DHRS3: variants seen among roughly 807,000 people sequenced by gnomAD.
DHRS3 encodes the protein short-chain dehydrogenase/reductase 3.
A neutral mutation model predicts 27.2 loss-of-function variants in DHRS3; 14 were observed. That is an observed-to-expected ratio of 0.52 (90% CI 0.34 to 0.81). The LOEUF (loss-of-function observed/expected upper bound fraction) is 0.81, where lower values mean the gene tolerates loss of function less well. Ranked by LOEUF, DHRS3 falls within the 30% of genes least tolerant of loss-of-function variation. The probability of loss-of-function intolerance (pLI) is 0.01; values close to 1 mark genes in which losing one functional copy is unlikely to be tolerated. For synonymous variants in DHRS3, 165 were observed against 175.9 expected (o/e 0.94, Z 0.49); for missense variants, 322 against 406.2 (o/e 0.79, Z 1.78).
At chr1:12,607,861 A>G (rs199779740) in intron 1 of DHRS3, among the ~76,000 whole-genome samples, 30 of 132,624 alleles carry the variant, frequency 2.3e-4, no homozygotes, top group Admixed American at 5.1e-4. Flanking sequence ...GTGTGTGTGT[A>G]TGTGTGTGTG....
intron 1 of DHRS3, 26 bp downstream of exon 1, chr1:12,617,128 C>T: frequency 1.3e-6 from 2 of 1,598,880 alleles, no homozygotes; most frequent in Non-Finnish European, 1.7e-6. Flanking sequence ...CGGCCCCCCA[C>T]TCCCTGGAGT....
intron 1 of DHRS3, among the ~76,000 whole-genome samples, chr1:12,601,701 C>T (rs1385888925): frequency 6.6e-6 from 1 of 152,184 alleles, no homozygotes; most frequent in Non-Finnish European, 1.5e-5. Flanking sequence ...AAACTATCAA[C>T]CAAAAGGCAA....
chr1:12,588,635 A>G (rs1646719252), intron 1 of DHRS3, among the ~76,000 whole-genome samples: 1 of 152,170 alleles, frequency 6.6e-6, no homozygotes, highest in African/African-American at 2.4e-5. Context: ...CAAGAGTAAA[A>G]GCTCAGCTAA....
At position 12,568,323 on chromosome 1, in the gene DHRS3, A is replaced by T. The variant is rs755547734; in HGVS notation, c.*17T>A. On this transcript the variant is annotated 3_prime_UTR_variant, in exon 6 of 6. Transcript: ENST00000616661. ...CCCCAAACTCCGTGGCTCCTCAAGC[A>T]TGTCTTCATCCTGTCTCTATGTCCG... 3.1e-6 allele frequency: 5 copies of T among 1,612,482 alleles called. No individual in the cohort carries two copies. In the East Asian group the frequency reaches 1.1e-4, roughly 36 times the overall value.
chr1:12,585,211 A>ATCTCTGTGTGTCTCTGTGTGTGTGTG (rs145659460), intron 1 of DHRS3, among the ~76,000 whole-genome samples: 33 of 140,044 alleles, frequency 2.4e-4, no homozygotes, highest in South Asian at 6.7e-4. Context: ...GTGTCTGTGT[A>ATCTCTGTGTGTCTCTGTGTGTGTGTG]TCTCTGTGTG....
Position 12,594,141 on chromosome 1 carries a change from A to G in DHRS3, c.196-13475T>C. ...ACAGACCACCCTTCCCTCACAGCAC[A>G]CATCTCCAGATTACTGTCCACCGGG... On this transcript the variant is annotated intron_variant, in intron 1 of 5. Transcript: ENST00000616661. The surrounding 1 kb of genome is among the most constrained non-coding windows in gnomAD (Gnocchi z 4.1). 6.6e-6 allele frequency among the ~76,000 whole-genome samples: 1 copy of G among 152,216 alleles called. No homozygotes were observed. Among genetic ancestry groups the G allele is most frequent in the East Asian group, 1.9e-4 (1 of 5,198 alleles).
chr1:12,581,487 A>G lies in DHRS3; in HGVS notation c.196-821T>C, dbSNP rs898962130. ...AGTCACTCCCCTAAGGATATTCTGGAAGGGCAGTGACGAGGCTGCCACTGA... is the reference window on the plus strand; with the variant it reads ...AGTCACTCCCCTAAGGATATTCTGGGAGGGCAGTGACGAGGCTGCCACTGA... On this transcript the variant is annotated intron_variant, in intron 1 of 5. Coordinates refer to ENST00000616661, the MANE Select transcript of DHRS3 (RefSeq NM_004753.7). Among the ~76,000 whole-genome samples, 6 of 152,176 alleles carry G rather than the reference A, an allele frequency of 3.9e-5. No homozygotes were observed. In the South Asian group the frequency reaches 1.2e-3, roughly 32 times the overall value.
In DHRS3 at chr1:12,608,981, A is replaced by T. The variant is rs774792819; in HGVS notation, c.195+8173T>A. 1.3e-5 allele frequency among the ~76,000 whole-genome samples: 2 copies of T among 152,190 alleles called. No homozygotes were observed. The highest frequency in any genetic ancestry group is 2.9e-5 in the Non-Finnish European group (2 of 68,040). On this transcript the variant is annotated intron_variant, in intron 1 of 5. Coordinates refer to ENST00000616661, the MANE Select transcript of DHRS3 (RefSeq NM_004753.7). This position sits in a 1 kb window ranked among gnomAD's most constrained non-coding sequence, Gnocchi z 4.1. The stretch of plus-strand genomic sequence containing the variant: ...TTCCAGTTGGTCAAGGGCCCTGTCA[A>T]AGTGCTGGCCCACATGGACACAATA...
At chr1:12,605,414 C>T (rs573035995) in intron 1 of DHRS3, among the ~76,000 whole-genome samples, 8 of 152,206 alleles carry the variant, frequency 5.3e-5, no homozygotes, top group South Asian at 2.1e-4. Flanking sequence ...AATACCATGT[C>T]CTGTACAGTA....
rs752257026 is a variant in DHRS3, at chr1:12,580,404, C to T, written c.339+119G>A. On this transcript the variant is annotated intron_variant, in intron 2 of 5. Coordinates refer to ENST00000616661, the MANE Select transcript of DHRS3 (RefSeq NM_004753.7). ...CATGGGAGAGTCCCCAAAGGTGCCCCGGGCAAAGCCATTCTGCCATAAGCA... is the reference window on the plus strand; with the variant it reads ...CATGGGAGAGTCCCCAAAGGTGCCCTGGGCAAAGCCATTCTGCCATAAGCA... 9.2e-5 allele frequency: 135 copies of T among 1,461,174 alleles called. 1 individual carries two copies. Among genetic ancestry groups the T allele is most frequent in the Non-Finnish European group, 8.3e-5 (88 of 1,060,856 alleles). The allele number at this position is 1,461,174 out of a possible 1,614,324, so 90.5% of individuals were successfully genotyped here. A position where few individuals can be genotyped will look rare whatever the true frequency, so the allele number is the denominator to read the frequency against.
In DHRS3 at chr1:12,568,330, C is replaced by T. The variant is rs1026445724; in HGVS notation, c.*10G>A. 9.3e-6 allele frequency: 15 copies of T among 1,613,154 alleles called. No individual in the cohort carries two copies. In the African/African-American group the frequency reaches 2.0e-4, roughly 22 times the overall value. ...CTCCGTGGCTCCTCAAGCATGTCTTCATCCTGTCTCTATGTCCGCCCTTTG... is the reference window on the plus strand; with the variant it reads ...CTCCGTGGCTCCTCAAGCATGTCTTTATCCTGTCTCTATGTCCGCCCTTTG... On this transcript the variant is annotated 3_prime_UTR_variant, in exon 6 of 6. Coordinates refer to ENST00000616661, the MANE Select transcript of DHRS3 (RefSeq NM_004753.7).
chr1:12,607,164 T>C lies in DHRS3; in HGVS notation c.195+9990A>G, dbSNP rs1228536380. On this transcript the variant is annotated intron_variant, in intron 1 of 5. Coordinates refer to ENST00000616661, the MANE Select transcript of DHRS3 (RefSeq NM_004753.7). ...CTAAGACAAGGTTCGCATTCATTCC[T>C]CTCATCAAACAAGGACAATTTTGTG... 3.9e-5 allele frequency among the ~76,000 whole-genome samples: 6 copies of C among 152,256 alleles called. No homozygotes were observed. In the East Asian group the frequency reaches 9.6e-4, roughly 24 times the overall value.
At chr1:12,597,936 G>A (rs1476948788) in intron 1 of DHRS3, among the ~76,000 whole-genome samples, 2 of 152,192 alleles carry the variant, frequency 1.3e-5, no homozygotes, top group South Asian at 2.1e-4. Context: ...CCCAGCCATC[G>A]CACAGAGGGT....
chr1:12,592,888 T>G lies in DHRS3; in HGVS notation c.196-12222A>C, dbSNP rs1048547734. On this transcript the variant is annotated intron_variant, in intron 1 of 5. Coordinates refer to ENST00000616661, the MANE Select transcript of DHRS3 (RefSeq NM_004753.7). The surrounding 1 kb of genome is among the most constrained non-coding windows in gnomAD (Gnocchi z 4.2). Reference sequence around the variant, plus strand: ...ACATTAAGTGTTTTCTCTCACTGTATGCCCACTCCACCACGCACCCTGTCA... The same window carrying G: ...ACATTAAGTGTTTTCTCTCACTGTAGGCCCACTCCACCACGCACCCTGTCA... 6.6e-6 allele frequency among the ~76,000 whole-genome samples: 1 copy of G among 152,210 alleles called. No individual in the cohort carries two copies. Among genetic ancestry groups the G allele is most frequent in the Non-Finnish European group, 1.5e-5 (1 of 68,024 alleles).
chr1:12,595,098 G>T (rs1396301389), intron 1 of DHRS3, among the ~76,000 whole-genome samples: 5 of 152,120 alleles, frequency 3.3e-5, no homozygotes, highest in Non-Finnish European at 7.4e-5. Context: ...GGGAGGGGAG[G>T]GGAGGCGGTG....
rs573605766 is a variant in DHRS3 at position 12,576,870 on chromosome 1, C to G, written c.698+1848G>C. 2.0e-5 allele frequency among the ~76,000 whole-genome samples: 3 copies of G among 149,148 alleles called. No individual in the cohort carries two copies. In the South Asian group the frequency reaches 6.6e-4, roughly 33 times the overall value. Reference sequence around the variant, plus strand: ...GAGCATCTAGTATCCGGGCTTTGCACTAGATGTGTTACATGTATTATTTCT... The same window carrying G: ...GAGCATCTAGTATCCGGGCTTTGCAGTAGATGTGTTACATGTATTATTTCT... On this transcript the variant is annotated intron_variant, in intron 4 of 5. Transcript: ENST00000616661.
rs1009222056 is a variant in DHRS3, at chr1:12,592,898, A to G, written c.196-12232T>C. On this transcript the variant is annotated intron_variant, in intron 1 of 5. Coordinates refer to ENST00000616661, the MANE Select transcript of DHRS3 (RefSeq NM_004753.7). The surrounding 1 kb of genome is among the most constrained non-coding windows in gnomAD (Gnocchi z 4.2). ...TTTTCTCTCACTGTATGCCCACTCC[A>G]CCACGCACCCTGTCAGCCTGACCTC... is the stretch of plus-strand genomic sequence containing the variant. Among the ~76,000 whole-genome samples, 1 of 152,024 alleles carries G rather than the reference A, an allele frequency of 6.6e-6. No homozygotes were observed. The highest frequency in any genetic ancestry group is 2.4e-5 in the African/African-American group (1 of 41,380).
At chr1:12,581,531 C>T (rs1475976461) in intron 1 of DHRS3, among the ~76,000 whole-genome samples, 1 of 152,182 alleles carries the variant, frequency 6.6e-6, no homozygotes, top group African/African-American at 2.4e-5. Context: ...CATGGCCTCA[C>T]CCGGCAGGTA....
In DHRS3 at chr1:12,601,697, T is replaced by C. The variant is rs572207650; in HGVS notation, c.195+15457A>G. ...CAATGCCATCTCTTCCGTGAAACTATCAACCAAAAGGCAAGACTCATTGGT... is the reference window on the plus strand; with the variant it reads ...CAATGCCATCTCTTCCGTGAAACTACCAACCAAAAGGCAAGACTCATTGGT... On this transcript the variant is annotated intron_variant, in intron 1 of 5. Transcript: ENST00000616661. Among the ~76,000 whole-genome samples the C allele has an allele frequency of 4.6e-5, 7 of 152,294 alleles. No homozygotes were observed. The East Asian group carries it at 1.2e-3, about 25-fold the overall frequency.
Sources: gnomAD v4.1 joint callset for allele counts (sites outside exome capture counted in the v4.1 genomes callset) on GRCh38, gnomAD v4.1.1 for gene constraint, Gnocchi (gnomAD v3.1) non-coding constraint, MANE v1.5 for transcripts, NCBI Gene and HGNC (gene_info 2026-07-23, HGNC 2026-07-21) for gene names.